Variants in MAP3K21 observed in about 807,000 individuals in gnomAD.
MAP3K21 encodes the protein mitogen-activated protein kinase kinase kinase 21.
MAP3K21 carries 63 observed loss-of-function variants against 86.1 expected under a neutral mutation model. That is an observed-to-expected ratio of 0.73 (90% CI 0.60 to 0.90). The LOEUF (loss-of-function observed/expected upper bound fraction) is 0.90, where lower values mean the gene tolerates loss of function less well. Among genes scored for constraint, MAP3K21 ranks in the 40% least tolerant of loss-of-function variants. The pLI is 0.00. For missense variants in MAP3K21, 1,220 were observed against 1,367.7 expected (o/e 0.89, Z 1.70); for synonymous variants, 558 against 564.8 (o/e 0.99, Z 0.17).
intron 1 of MAP3K21, among the ~76,000 whole-genome samples, chr1:233,332,494 C>T (rs561089510): frequency 1.3e-3 from 203 of 152,242 alleles, no homozygotes; most frequent in African/African-American, 4.7e-3. Flanking sequence ...CCTGGCAGGC[C>T]TCCCTCTGCT....
intron 1 of MAP3K21, among the ~76,000 whole-genome samples, chr1:233,338,374 C>A (rs1408666082): frequency 1.3e-5 from 2 of 152,178 alleles, no homozygotes; most frequent in African/African-American, 2.4e-5. Context: ...GTGAACAAAG[C>A]AGACACAAAT....
intron 7 of MAP3K21, 136 bp downstream of exon 7, chr1:233,376,202 T>G: frequency 3.8e-6 from 3 of 799,716 alleles, no homozygotes; most frequent in Non-Finnish European, 5.9e-6. Context: ...TTTTCTAGGA[T>G]GAATTTATCA....
At chr1:233,349,327 A>G (rs1035109204) in intron 2 of MAP3K21, among the ~76,000 whole-genome samples, 2 of 152,230 alleles carry the variant, frequency 1.3e-5, no homozygotes, top group Non-Finnish European at 2.9e-5. Context: ...TCAAGACTCT[A>G]AAAACTATTA....
At position 233,354,098 on chromosome 1, in the gene MAP3K21, C is replaced by T. The variant is rs1452392418; in HGVS notation, c.1135+143C>T. On this transcript the variant is annotated intron_variant, in intron 3 of 9. Coordinates refer to ENST00000366624, the MANE Select transcript of MAP3K21 (RefSeq NM_032435.3). ...ACCCTAGTATTTTAAGAATTGGAAA[C>T]CTAGTCTTTGATCTGGAATGTCTGG... The T allele has an allele frequency of 6.8e-6, 7 of 1,036,456 alleles. No individual in the cohort carries two copies. The African/African-American group carries it at 1.2e-4, about 17-fold the overall frequency. 64.2% of individuals were successfully genotyped at this position (1,036,456 alleles called of 1,614,324 possible). A position where few individuals can be genotyped will look rare whatever the true frequency, so the allele number is the denominator to read the frequency against.
At chr1:233,352,566 G>A (rs926175738) in intron 2 of MAP3K21, among the ~76,000 whole-genome samples, 2 of 151,838 alleles carry the variant, frequency 1.3e-5, no homozygotes, top group Admixed American at 6.6e-5. Context: ...GAGTTGTTGG[G>A]GCTGCAGGCA....
intron 5 of MAP3K21, among the ~76,000 whole-genome samples, chr1:233,367,734 C>T (rs574739577): frequency 1.3e-5 from 2 of 152,118 alleles, no homozygotes; most frequent in African/African-American, 4.8e-5. Context: ...GTGGCAGGCA[C>T]CTGTAATCCC....
intron 2 of MAP3K21, among the ~76,000 whole-genome samples, chr1:233,350,822 A>C (rs562952935): frequency 1.3e-5 from 2 of 152,308 alleles, no homozygotes; most frequent in Non-Finnish European, 2.9e-5. Context: ...TACAATTCTG[A>C]GTTCTCAGGA....
chr1:233,358,495 C>T (rs1464692846), intron 4 of MAP3K21, among the ~76,000 whole-genome samples: 1 of 136,178 alleles, frequency 7.3e-6, no homozygotes, highest in Non-Finnish European at 1.6e-5. Context: ...TTTAACACTT[C>T]CCCAAATTGT....
chr1:233,339,268 C>CCTCT (rs1662977748), intron 1 of MAP3K21, among the ~76,000 whole-genome samples: 30 of 19,860 alleles, frequency 1.5e-3, no homozygotes, highest in African/African-American at 5.1e-3. Flanking sequence ...CTTCTTCTTC[C>CCTCT]TCTTCTTCTT....
At position 233,346,476 on chromosome 1, in the gene MAP3K21, C is replaced by T; in HGVS notation, c.840C>T (p.Ile280=). 7 of 1,612,878 alleles carry T rather than the reference C, an allele frequency of 4.3e-6. No individual in the cohort carries two copies. Among genetic ancestry groups the T allele is most frequent in the Non-Finnish European group, 5.1e-6 (6 of 1,179,292 alleles). ...TTGAGAAGATAGAACATGATGACAT[C>T]TGCAATAAAACTTTGAAGATTACAG... ...LLLEKIEHDD[I]CNKTLKITDF... The change falls in exon 2 of 10, where the codon ATC becomes ATT. Residue 280 remains isoleucine (I), a synonymous_variant. Transcript: ENST00000366624.
intron 8 of MAP3K21, among the ~76,000 whole-genome samples, chr1:233,378,033 C>T (rs1268114119): frequency 2.6e-5 from 4 of 152,184 alleles, no homozygotes; most frequent in African/African-American, 4.8e-5. Context: ...AAGCTTCACT[C>T]GCCCACCTGC....
At position 233,362,308 on chromosome 1, in the gene MAP3K21, T is replaced by C. The variant is rs191327599; in HGVS notation, c.1552+15T>C. The C allele has an allele frequency of 5.6e-6, 9 of 1,610,166 alleles. No homozygotes were observed. The African/African-American group carries it at 1.2e-4, about 22-fold the overall frequency. On this transcript the variant is annotated intron_variant, in intron 5 of 9. Coordinates refer to ENST00000366624, the MANE Select transcript of MAP3K21 (RefSeq NM_032435.3). ...TTTACCTTCAGGTATGATCTTGTTTTTATGTTTTTGAAAGATTTTTGTGTG... is the reference window on the plus strand; with the variant it reads ...TTTACCTTCAGGTATGATCTTGTTTCTATGTTTTTGAAAGATTTTTGTGTG...
chr1:233,348,522 T>C (rs1048985353), intron 2 of MAP3K21, among the ~76,000 whole-genome samples: 8 of 152,346 alleles, frequency 5.3e-5, no homozygotes, highest in Admixed American at 2.6e-4. Context: ...GTGAGATTGC[T>C]TGGCCATATG....
chr1:233,367,220 T>G (rs887632991), intron 5 of MAP3K21, among the ~76,000 whole-genome samples: 1 of 152,234 alleles, frequency 6.6e-6, no homozygotes, highest in South Asian at 2.1e-4. Flanking sequence ...CTCACAGGTA[T>G]GCGAGTGAGT....
intron 1 of MAP3K21, among the ~76,000 whole-genome samples, chr1:233,343,374 T>C (rs539800189): frequency 1.3e-5 from 2 of 152,326 alleles, no homozygotes; most frequent in South Asian, 4.1e-4. Context: ...TACTCCTCCC[T>C]ACAATCTTAT....
intron 1 of MAP3K21, among the ~76,000 whole-genome samples, chr1:233,342,219 C>G (rs1558452297): frequency 6.6e-6 from 1 of 152,210 alleles, no homozygotes; most frequent in African/African-American, 2.4e-5. Flanking sequence ...TTGCCCTCTT[C>G]TTATAACCAA....
intron 2 of MAP3K21, among the ~76,000 whole-genome samples, chr1:233,350,540 T>C (rs182563480): frequency 6.6e-6 from 1 of 152,360 alleles, no homozygotes; most frequent in East Asian, 1.9e-4. Flanking sequence ...TGGCTTTACC[T>C]ATGCAGTGCT....
intron 1 of MAP3K21, among the ~76,000 whole-genome samples, chr1:233,339,385 TTCTTCTC>T (rs1558451270): frequency 9.0e-6 from 1 of 111,478 alleles, no homozygotes; most frequent in African/African-American, 3.7e-5. Flanking sequence ...CTTCTTCTCC[TTCTTCTC>T]CTCCTTCTCC....
At chr1:233,363,215 T>A (rs1663499269) in intron 5 of MAP3K21, among the ~76,000 whole-genome samples, 1 of 152,186 alleles carries the variant, frequency 6.6e-6, no homozygotes, top group South Asian at 2.1e-4. Context: ...CTCGGACGGA[T>A]TCTAGTGTTT....
Sources: gnomAD v4.1 joint callset for allele counts (sites outside exome capture counted in the v4.1 genomes callset) on GRCh38, gnomAD v4.1.1 for gene constraint, MANE v1.5 for transcripts, NCBI Gene and HGNC (gene_info 2026-07-23, HGNC 2026-07-21) for gene names.